Variants in ZNF804B observed in about 807,000 individuals in gnomAD.
ZNF804B encodes the protein zinc finger protein 804B, also known as zinc finger 804B.
A neutral mutation model predicts 101.4 loss-of-function variants in ZNF804B; 80 were observed. That is an observed-to-expected ratio of 0.79 (90% CI 0.66 to 0.95). The LOEUF is 0.95. Ranked by LOEUF, ZNF804B falls within the 40% of genes least tolerant of loss-of-function variation. The pLI is 0.00. For missense variants in ZNF804B, 1,673 were observed against 1,561.9 expected (o/e 1.07, Z -1.20); for synonymous variants, 622 against 558.8 (o/e 1.11, Z -1.59).
At chr7:88,889,489 G>T (rs1375399185) in intron 1 of ZNF804B, among the ~76,000 whole-genome samples, 1 of 152,120 alleles carries the variant, frequency 6.6e-6, no homozygotes, top group Non-Finnish European at 1.5e-5. Context: ...ACTAGCATGA[G>T]TTAGTGTTTC....
intron 2 of ZNF804B, among the ~76,000 whole-genome samples, chr7:89,274,972 C>G (rs1387871173): frequency 6.6e-6 from 1 of 151,892 alleles, no homozygotes; most frequent in African/African-American, 2.4e-5. Flanking sequence ...CTCAGTGAGA[C>G]AGAGAATAGA....
chr7:88,917,738 A>G (rs1445479878), intron 1 of ZNF804B, among the ~76,000 whole-genome samples: 2 of 152,286 alleles, frequency 1.3e-5, no homozygotes, highest in African/African-American at 2.4e-5. Context: ...ATAATACACA[A>G]AAGAGGGATG....
intron 1 of ZNF804B, among the ~76,000 whole-genome samples, chr7:88,924,603 A>G (rs1290032315): frequency 6.6e-6 from 1 of 152,170 alleles, no homozygotes; most frequent in Non-Finnish European, 1.5e-5. Flanking sequence ...AAACAAGACA[A>G]GCCTTTGTAT....
intron 1 of ZNF804B, among the ~76,000 whole-genome samples, chr7:88,861,787 G>A (rs1019513579): frequency 1.2e-4 from 19 of 152,176 alleles, no homozygotes; most frequent in African/African-American, 4.3e-4. Context: ...TCTGAGATAT[G>A]TAGCACATAC....
chr7:89,172,474 T>C (rs1215547184), intron 1 of ZNF804B, among the ~76,000 whole-genome samples: 2 of 152,184 alleles, frequency 1.3e-5, no homozygotes, highest in East Asian at 3.8e-4. Context: ...TTTACCATAC[T>C]CCTTGTTGAT....
chr7:89,122,820 G>C (rs1398392862), intron 1 of ZNF804B, among the ~76,000 whole-genome samples: 1 of 152,018 alleles, frequency 6.6e-6, no homozygotes, highest in Non-Finnish European at 1.5e-5. Flanking sequence ...TTACATTATT[G>C]TGCCTTGGTT....
At chr7:88,986,936 A>G (rs371700551) in intron 1 of ZNF804B, among the ~76,000 whole-genome samples, 57 of 152,186 alleles carry the variant, frequency 3.7e-4, no homozygotes, top group African/African-American at 1.3e-3. Context: ...CCTCATTTCC[A>G]AGTAAATCAA....
At chr7:89,167,304 G>C (rs546527355) in intron 1 of ZNF804B, among the ~76,000 whole-genome samples, 1 of 151,774 alleles carries the variant, frequency 6.6e-6, no homozygotes, top group Non-Finnish European at 1.5e-5. Context: ...TTAGCCGGGC[G>C]TGGTGGCAGG....
chr7:89,270,975 A>G (rs564913843), intron 2 of ZNF804B, among the ~76,000 whole-genome samples: 24 of 152,300 alleles, frequency 1.6e-4, no homozygotes, highest in East Asian at 5.8e-4. Flanking sequence ...GGCTGAGACA[A>G]TGGGGTTTTC....
chr7:89,285,250 C>T (rs181723471), intron 2 of ZNF804B, among the ~76,000 whole-genome samples: 27 of 151,456 alleles, frequency 1.8e-4, no homozygotes, highest in Admixed American at 1.7e-3. Flanking sequence ...AGGCTGGGCA[C>T]GGTGGCTCAC....
At chr7:89,248,327 C>G (rs560760994) in intron 2 of ZNF804B, among the ~76,000 whole-genome samples, 82 of 151,792 alleles carry the variant, frequency 5.4e-4, no homozygotes, top group Non-Finnish European at 1.1e-3. Flanking sequence ...ACGGTGAATG[C>G]TAAAGAAAAA....
chr7:89,040,963 G>A (rs2116248287), intron 1 of ZNF804B, among the ~76,000 whole-genome samples: 1 of 152,228 alleles, frequency 6.6e-6, no homozygotes, highest in South Asian at 2.1e-4. Flanking sequence ...GAGGTCAACT[G>A]GGGTAGGTCT....
chr7:89,245,608 G>A (rs1481651141), intron 2 of ZNF804B, among the ~76,000 whole-genome samples: 2 of 152,086 alleles, frequency 1.3e-5, no homozygotes, highest in African/African-American at 4.8e-5. Flanking sequence ...CAAAAATAAT[G>A]ATGGAAATTA....
At chr7:88,768,725 A>T (rs1180479646) in intron 1 of ZNF804B, among the ~76,000 whole-genome samples, 1 of 152,222 alleles carries the variant, frequency 6.6e-6, no homozygotes, top group Non-Finnish European at 1.5e-5. Context: ...CTCAGAAAAC[A>T]AACAAACAAA....
At chr7:88,843,879 C>T (rs937406480) in intron 1 of ZNF804B, among the ~76,000 whole-genome samples, 5 of 151,930 alleles carry the variant, frequency 3.3e-5, no homozygotes, top group African/African-American at 7.3e-5. Context: ...CTATTGATGC[C>T]GTTCATCGAT....
chr7:88,929,873 T>C (rs187963616), intron 1 of ZNF804B, among the ~76,000 whole-genome samples: 1 of 152,074 alleles, frequency 6.6e-6, no homozygotes, highest in Admixed American at 6.6e-5. Flanking sequence ...ATAAACTATT[T>C]GTTAATATAT....
intron 1 of ZNF804B, among the ~76,000 whole-genome samples, chr7:88,830,658 T>C (rs757671464): frequency 3.3e-5 from 5 of 151,924 alleles, no homozygotes; most frequent in Non-Finnish European, 7.4e-5. Context: ...TGATCAGAAA[T>C]AGGAAACTGA....
At chr7:88,876,545 C>G (rs1379136179) in intron 1 of ZNF804B, among the ~76,000 whole-genome samples, 2 of 152,112 alleles carry the variant, frequency 1.3e-5, no homozygotes, top group African/African-American at 2.4e-5. Context: ...CTAGGCCAAA[C>G]TTTTCTTATC....
At chr7:89,302,093 A>AAGC (rs768101200) in intron 2 of ZNF804B, among the ~76,000 whole-genome samples, 106 of 111,154 alleles carry the variant, frequency 9.5e-4, no homozygotes, top group Middle Eastern at 4.1e-3. Flanking sequence ...CATAAGCACA[A>AAGC]ACAATGTCTT....
Sources: gnomAD v4.1 joint callset for allele counts (sites outside exome capture counted in the v4.1 genomes callset) on GRCh38, gnomAD v4.1.1 for gene constraint, MANE v1.5 for transcripts, NCBI Gene and HGNC (gene_info 2026-07-23, HGNC 2026-07-21) for gene names.